Variants in CAPN2 observed in about 807,000 individuals in gnomAD.
The protein encoded by CAPN2 is calpain 2.
In CAPN2, 92 loss-of-function variants were observed where a neutral mutation model predicts 102.3. That is an observed-to-expected ratio of 0.90 (90% confidence interval 0.76 to 1.07). CAPN2 has a LOEUF of 1.07. Ranked by LOEUF, CAPN2 falls within the 50% of genes least tolerant of loss-of-function variation. The pLI is 0.00. For missense variants in CAPN2, 800 were observed against 909.4 expected, an observed-to-expected ratio of 0.88 and a Z score of 1.55; for synonymous variants, 340 against 355.4, an observed-to-expected ratio of 0.96 and a Z score of 0.49.
At chr1:223,763,137 A>G (rs962426421) in intron 14 of CAPN2, among the ~76,000 whole-genome samples, 1 of 151,872 alleles carries the variant, frequency 6.6e-6, no homozygotes, top group Non-Finnish European at 1.5e-5. Flanking sequence ...CCCTGTTCTT[A>G]AAAAAATCCC....
rs376570741 is a variant in CAPN2 at position 223,749,131 on chromosome 1, C to T, written c.813+9C>T. 7 of 1,613,116 alleles carry T rather than the reference C, an allele frequency of 4.3e-6. No individual in the cohort carries two copies. The highest frequency in any genetic ancestry group is 4.5e-5 in the East Asian group (2 of 44,864). Reference sequence around the variant, plus strand: ...TCACCGGAGCCGAGGAGGTAACGGCCGGCGCGGATGTGCAGGGGTCCTGCT... The same window carrying T: ...TCACCGGAGCCGAGGAGGTAACGGCTGGCGCGGATGTGCAGGGGTCCTGCT... On this transcript the variant is annotated intron_variant, in intron 6 of 20. Transcript: ENST00000295006.
In CAPN2 at chr1:223,747,029, G is replaced by A; in HGVS notation, c.593G>A (p.Gly198Asp). 1.2e-6 allele frequency: 2 copies of A among 1,613,950 alleles called. No homozygotes were observed. The highest frequency in any genetic ancestry group is 1.7e-6 in the Non-Finnish European group (2 of 1,179,898). The change falls in exon 5 of 21, where the codon GGT becomes GAT. Residue 198 changes from glycine to aspartate, a missense_variant. Physicochemically the swap from Gly to Asp is moderately conservative, Grantham distance 94 (BLOSUM62 -1). Coordinates refer to ENST00000295006, the MANE Select transcript of CAPN2 (RefSeq NM_001748.5). ...INGCYEALSG[G>D]ATTEGFEDFT... is the part of the protein sequence containing the mutation. ...GGATGCTATGAAGCGCTATCAGGGG[G>A]TGCCACCACTGAGGGCTTCGAAGAC...
At chr1:223,770,048 G>C in intron 17 of CAPN2, 139 bp downstream of exon 17, 1 of 760,580 alleles carries the variant, frequency 1.3e-6, no homozygotes, top group Non-Finnish European at 2.2e-6. Context: ...CTCAGAGTGA[G>C]TAAAGATGGG....
chr1:223,774,570 C>G (rs1661564172), intron 20 of CAPN2, among the ~76,000 whole-genome samples: 1 of 152,204 alleles, frequency 6.6e-6, no homozygotes, highest in African/African-American at 2.4e-5. Flanking sequence ...ATGCTAATTT[C>G]TGTTGTGTGA....
chr1:223,766,000 G>A (rs776830675), intron 15 of CAPN2, among the ~76,000 whole-genome samples: 2 of 152,092 alleles, frequency 1.3e-5, no homozygotes, highest in East Asian at 1.9e-4. Flanking sequence ...TTTCTCTCAC[G>A]GGTCATAGCC....
chr1:223,715,119 C>G (rs1334288557), intron 1 of CAPN2, among the ~76,000 whole-genome samples: 1 of 152,180 alleles, frequency 6.6e-6, no homozygotes, highest in Non-Finnish European at 1.5e-5. Context: ...TGCCTCCTTC[C>G]TACCTTCTCA....
intron 2 of CAPN2, among the ~76,000 whole-genome samples, chr1:223,723,599 C>T (rs1571785584): frequency 6.6e-6 from 1 of 152,154 alleles, no homozygotes; most frequent in South Asian, 2.1e-4. Flanking sequence ...CAGCTGCCTT[C>T]CCTCTGCACT....
Position 223,759,522 on chromosome 1 carries a change from C to G in CAPN2, c.1529+41C>G. The G allele has an allele frequency of 1.3e-6, 2 of 1,553,862 alleles. No homozygotes were observed. The highest frequency in any genetic ancestry group is 1.8e-6 in the Non-Finnish European group (2 of 1,128,386). ...CCTTCCTCTCCCCACCCTTCCCTGT[C>G]CCTCCCCACTGGTCTGTTCCTCGGC... On this transcript the variant is annotated intron_variant, in intron 12 of 20. Transcript: ENST00000295006. The surrounding 1 kb of genome is among the most constrained non-coding windows in gnomAD (Gnocchi z 4.6).
intron 2 of CAPN2, among the ~76,000 whole-genome samples, chr1:223,724,653 A>G (rs1660142367): frequency 6.6e-6 from 1 of 152,204 alleles, no homozygotes; most frequent in South Asian, 2.1e-4. Context: ...TAGTATTCAC[A>G]TCAGAGCCAA....
intron 4 of CAPN2, among the ~76,000 whole-genome samples, chr1:223,746,107 T>G (rs562634581): frequency 6.6e-6 from 1 of 152,296 alleles, no homozygotes; most frequent in South Asian, 2.1e-4. Flanking sequence ...CTCCTTCCAT[T>G]AAAGTGACCC....
At chr1:223,713,209 T>C (rs548252531) in intron 1 of CAPN2, among the ~76,000 whole-genome samples, 3 of 149,746 alleles carry the variant, frequency 2.0e-5, no homozygotes, top group East Asian at 1.9e-4. Flanking sequence ...GAAACTTTGA[T>C]TGGACTCTAG....
chr1:223,736,489 T>C (rs1392592155), intron 2 of CAPN2, among the ~76,000 whole-genome samples: 4 of 152,174 alleles, frequency 2.6e-5, no homozygotes, highest in Non-Finnish European at 5.9e-5. Context: ...GGTCCCCATT[T>C]GGGAAGGTGG....
chr1:223,718,120 T>G (rs939347808), intron 2 of CAPN2, among the ~76,000 whole-genome samples: 6 of 152,188 alleles, frequency 3.9e-5, no homozygotes, highest in African/African-American at 7.2e-5. Context: ...CAGCCACCCC[T>G]TGGTATGCAC....
Position 223,754,806 on chromosome 1 carries a change from C to T in CAPN2, c.1136-674C>T, listed in dbSNP as rs1042174046. ...ACAGGATGTTCTTGGCCTCCGGGCT[C>T]ACCGAGGGGGCGGCGACCGGCAAGT... On this transcript the variant is annotated intron_variant, in intron 9 of 20. Coordinates refer to ENST00000295006, the MANE Select transcript of CAPN2 (RefSeq NM_001748.5). The surrounding 1 kb of genome is among the most constrained non-coding windows in gnomAD (Gnocchi z 4.7). Among the ~76,000 whole-genome samples the T allele has an allele frequency of 2.6e-5, 4 of 152,168 alleles. No individual in the cohort carries two copies. Among genetic ancestry groups the T allele is most frequent in the Non-Finnish European group, 5.9e-5 (4 of 68,022 alleles).
chr1:223,702,061 G>A (rs1451666984), intron 1 of CAPN2, among the ~76,000 whole-genome samples: 1 of 31,368 alleles, frequency 3.2e-5, no homozygotes, highest in African/African-American at 1.1e-4. Flanking sequence ...AAGGAAGGAA[G>A]GAAGGGAGGG....
intron 7 of CAPN2, among the ~76,000 whole-genome samples, chr1:223,751,445 A>G (rs1007169840): frequency 3.9e-5 from 6 of 152,192 alleles, no homozygotes; most frequent in African/African-American, 1.4e-4. Context: ...TGCTGTGGCA[A>G]CCTCAGCCTA....
At chr1:223,721,148 T>C (rs1660041256) in intron 2 of CAPN2, among the ~76,000 whole-genome samples, 2 of 152,174 alleles carry the variant, frequency 1.3e-5, no homozygotes, top group Admixed American at 1.3e-4. Flanking sequence ...AGAGCTGCTC[T>C]CACCAAGAGC....
chr1:223,744,574 A>G (rs1427642008), intron 3 of CAPN2, among the ~76,000 whole-genome samples: 1 of 152,176 alleles, frequency 6.6e-6, no homozygotes, highest in African/African-American at 2.4e-5. Context: ...ATACTTGAAA[A>G]AGCTGGCTGG....
At chr1:223,765,653 G>T (rs1437582390) in intron 15 of CAPN2, among the ~76,000 whole-genome samples, 1 of 104,978 alleles carries the variant, frequency 9.5e-6, no homozygotes, top group African/African-American at 4.4e-5. Flanking sequence ...CAGCCTTCTG[G>T]AGGGCTCCAC....
Sources: gnomAD v4.1 joint callset for allele counts (sites outside exome capture counted in the v4.1 genomes callset) on GRCh38, gnomAD v4.1.1 for gene constraint, Gnocchi (gnomAD v3.1) non-coding constraint, MANE v1.5 for transcripts, NCBI Gene and HGNC (gene_info 2026-07-23, HGNC 2026-07-21) for gene names.